PLS3: variants seen among roughly 807,000 people sequenced by gnomAD.
The protein encoded by PLS3 is plastin-3.
PLS3 carries 11 observed loss-of-function variants against 46.5 expected under a neutral mutation model. The observed-to-expected ratio is 0.24, with a 90% confidence interval of 0.15 to 0.39. The LOEUF is 0.39. Among genes scored for constraint, PLS3 ranks in the 10% least tolerant of loss-of-function variants. The probability of loss-of-function intolerance (pLI) is 1.00; values close to 1 mark genes in which losing one functional copy is unlikely to be tolerated. For synonymous variants in PLS3, 167 were observed against 162.2 expected (o/e 1.03, Z -0.22); for missense variants, 308 against 461.8 (o/e 0.67, Z 3.05).
intron 1 of PLS3, among the ~76,000 whole-genome samples, chrX:115,573,590 T>C (rs1485368432): frequency 8.9e-6 from 1 of 112,763 alleles, no homozygotes; most frequent in Non-Finnish European, 1.9e-5. Context: ...GCAGCTCTTA[T>C]ACTTTCTGTA....
intron 1 of PLS3, among the ~76,000 whole-genome samples, chrX:115,564,368 A>G (rs1231493498): frequency 8.9e-6 from 1 of 112,306 alleles, no homozygotes; most frequent in Non-Finnish European, 1.9e-5. Flanking sequence ...GTGAGTAATA[A>G]TTTGGGTGAG....
At chrX:115,574,596 T>G (rs1467390580) in intron 1 of PLS3, among the ~76,000 whole-genome samples, 1 of 111,333 alleles carries the variant, frequency 9.0e-6, no homozygotes, top group Non-Finnish European at 1.9e-5. Context: ...TTTTTTTTTT[T>G]GAGACAGAGT....
intron 7 of PLS3, among the ~76,000 whole-genome samples, chrX:115,636,053 A>C (rs1165903639): frequency 1.8e-5 from 2 of 111,025 alleles, no homozygotes; most frequent in Admixed American, 9.7e-5. Context: ...TATAAGGATG[A>C]ATTATATTTC....
intron 1 of PLS3, among the ~76,000 whole-genome samples, chrX:115,586,080 G>A (rs943923593): frequency 9.3e-6 from 1 of 107,272 alleles, no homozygotes; most frequent in East Asian, 3.0e-4. Context: ...TCCGCCTCCC[G>A]GGTTCAAGCC....
In PLS3 at chrX:115,633,652, G is replaced by A. The variant is rs373843614; in HGVS notation, c.501-348G>A. 3.4e-4 allele frequency among the ~76,000 whole-genome samples: 37 copies of A among 109,512 alleles called. No individual in the cohort carries two copies. In the East Asian group the frequency reaches 7.5e-3, roughly 22 times the overall value. ...ACTACAGGCACATGCCACCATGCCCGGCTAATTTTTTTATCGTTTTTGTAG... is the reference window on the plus strand; with the variant it reads ...ACTACAGGCACATGCCACCATGCCCAGCTAATTTTTTTATCGTTTTTGTAG... On this transcript the variant is annotated intron_variant, in intron 5 of 15. Transcript: ENST00000355899.
chrX:115,629,265 G>A lies in PLS3; in HGVS notation c.305G>A (p.Gly102Asp). ...CGCAAAGCAATCAACAGGAAAGAAG[G>A]TATTTGTGCTCTGGGTGGAACTTCA... ...TFRKAINRKE[G>D]ICALGGTSEL... is the part of the protein sequence containing the mutation. Residue 102 changes from glycine to aspartate, a missense_variant, in exon 4 of 16, where the codon GGT becomes GAT. Coordinates refer to ENST00000355899, the MANE Select transcript of PLS3 (RefSeq NM_005032.7). The A allele has an allele frequency of 1.7e-6, 2 of 1,201,975 alleles. No individual in the cohort carries two copies. Among genetic ancestry groups the A allele is most frequent in the Non-Finnish European group, 2.3e-6 (2 of 887,029 alleles).
chrX:115,609,088 A>G (rs1476626944), intron 1 of PLS3, among the ~76,000 whole-genome samples: 4 of 110,731 alleles, frequency 3.6e-5, no homozygotes, highest in African/African-American at 1.3e-4. Context: ...AGAGAAAGAA[A>G]TAAAGAAAAA....
chrX:115,649,518 C>T lies in PLS3; in HGVS notation c.1850C>T (p.Thr617Ile), dbSNP rs782581939. Residue 617 changes from threonine (T) to isoleucine (I), a missense_variant, in exon 16 of 16, where the codon ACT (threonine) becomes ATT (isoleucine). Around this residue, in one of 2 missense-constraint regions of PLS3, gnomAD observed 271 missense variants for 435.7 expected, o/e 0.62. Transcript: ENST00000355899. ...GAAGTAAAGCCCAAGATGGTCATGA[C>T]TGTGTTTGCATGTTTGATGGGCAGG... ...LVEVKPKMVM[T>I]VFACLMGRGM... 6 of 1,208,938 alleles carry T rather than the reference C, an allele frequency of 5.0e-6. No homozygotes were observed. In the Admixed American group the frequency reaches 1.3e-4, roughly 26 times the overall value.
intron 1 of PLS3, chrX:115,562,691 G>A (rs782158870): frequency 1.8e-5 from 2 of 111,759 alleles, no homozygotes; most frequent in South Asian, 7.7e-4. Flanking sequence ...GCAGTTCATG[G>A]TGAATTCCAA....
intron 2 of PLS3, among the ~76,000 whole-genome samples, chrX:115,620,973 C>T (rs1336759459): frequency 5.5e-5 from 6 of 108,188 alleles, no homozygotes. Context: ...GGATTACAGG[C>T]GTGAGTCACT....
intron 2 of PLS3, chrX:115,610,655 C>A: frequency 3.3e-6 from 1 of 304,673 alleles, no homozygotes; most frequent in Admixed American, 6.0e-5. Context: ...TTTTGTATCT[C>A]ATATCTTTCT....
rs782415412 is a variant in PLS3, at chrX:115,646,415, A to G, written c.1391A>G (p.Asn464Ser). The change falls in exon 13 of 16, where the codon AAC becomes AGC. Residue 464 changes from asparagine (N) to serine (S), a missense_variant. By Grantham distance (46) the Asn-to-Ser change is conservative. Around this residue, in one of 2 missense-constraint regions of PLS3, gnomAD observed 271 missense variants for 435.7 expected, o/e 0.62. Coordinates refer to ENST00000355899, the MANE Select transcript of PLS3 (RefSeq NM_005032.7). ...GTGCCTTTGCAGCTAGAAAACTGCA[A>G]CTATGCTGTTGAATTAGGGAAGCAT... ...GANMKKLENC[N>S]YAVELGKHPA... is the part of the protein sequence containing the mutation. The G allele has an allele frequency of 2.5e-6, 3 of 1,210,220 alleles. No homozygotes were observed. Among genetic ancestry groups the G allele is most frequent in the South Asian group, 3.5e-5 (2 of 56,701 alleles).
chrX:115,565,954 T>C (rs1033229055), intron 1 of PLS3, among the ~76,000 whole-genome samples: 3 of 112,324 alleles, frequency 2.7e-5, no homozygotes, highest in African/African-American at 9.7e-5. Context: ...GGTCTTTTAG[T>C]CCTTTGCAGT....
At chrX:115,564,501 C>A (rs1255415060) in intron 1 of PLS3, among the ~76,000 whole-genome samples, 1 of 112,300 alleles carries the variant, frequency 8.9e-6, no homozygotes, top group Non-Finnish European at 1.9e-5. Context: ...CCCAGGAGAA[C>A]AGAATTCTGT....
In PLS3 at chrX:115,649,667, G is replaced by GTTAATCAA. The variant is rs1556642246; in HGVS notation, c.*106_*107insTTAATCAA. On this transcript the variant is annotated 3_prime_UTR_variant, in exon 16 of 16. Coordinates refer to ENST00000355899, the MANE Select transcript of PLS3 (RefSeq NM_005032.7). ...CTTAAGGAACTCTTGGCCATTCAAA[G>GTTAATCAA]GACTTTTCATTTTGATTAACAGGAC... The GTTAATCAA allele has an allele frequency of 3.0e-4, 227 of 751,342 alleles. 2 individuals are homozygous for GTTAATCAA. In the South Asian group the frequency reaches 4.7e-3, roughly 16 times the overall value. The allele number at this position is 751,342 out of a possible 1,213,427, so 61.9% of individuals were successfully genotyped here.
chrX:115,646,574 A>G (rs1556641730), intron 13 of PLS3, 39 bp downstream of exon 13: 1 of 1,149,102 alleles, frequency 8.7e-7, no homozygotes, highest in Admixed American at 2.3e-5. Flanking sequence ...CTTTACTATC[A>G]TACAGGTCTG....
chrX:115,641,988 A>G (rs1413990308), intron 9 of PLS3, among the ~76,000 whole-genome samples: 2 of 102,438 alleles, frequency 2.0e-5, no homozygotes, highest in Non-Finnish European at 3.9e-5. Context: ...TGCTGTTCTC[A>G]TGGTTTTCAG....
chrX:115,617,694 A>G (rs1477156490), intron 2 of PLS3, among the ~76,000 whole-genome samples: 1 of 111,809 alleles, frequency 8.9e-6, no homozygotes, highest in Non-Finnish European at 1.9e-5. Flanking sequence ...TATTCCTCCA[A>G]TTTCCTTTAA....
At chrX:115,641,225 C>CTTTTTTTTT (rs35431475) in intron 9 of PLS3, among the ~76,000 whole-genome samples, 10 of 82,414 alleles carry the variant, frequency 1.2e-4, no homozygotes, top group Non-Finnish European at 1.8e-4. Flanking sequence ...TCTTCTCTTT[C>CTTTTTTTTT]TTTTTTTTTT....
Sources: allele counts gnomAD v4.1 joint callset (sites outside exome capture counted in the v4.1 genomes callset), GRCh38; gene constraint gnomAD v4.1.1; regional missense constraint gnomAD v4.1.1; transcripts MANE v1.5; gene names NCBI Gene and HGNC (gene_info 2026-07-23, HGNC 2026-07-21).